Variants in COPA observed in about 807,000 individuals in gnomAD.
COPA encodes the protein coatomer subunit alpha.
Under a neutral mutation model 158.7 loss-of-function variants are expected in COPA, and 10 were observed. The ratio of observed to expected loss-of-function variants is 0.06; its 90% CI spans 0.04 to 0.11. The LOEUF is 0.11. Among genes scored for constraint, COPA ranks in the 10% least tolerant of loss-of-function variants. The pLI, the probability that COPA is intolerant of heterozygous loss-of-function variation, is 1.00. For synonymous variants in COPA, 462 were observed against 542.8 expected, an observed-to-expected ratio of 0.85 and a Z score of 2.07; for missense variants, 1,065 against 1,536.7, an observed-to-expected ratio of 0.69 and a Z score of 5.13.
chr1:160,296,007 A>C, intron 22 of COPA, 54 bp downstream of exon 22: 1 of 1,592,744 alleles, frequency 6.3e-7, no homozygotes, highest in Non-Finnish European at 8.6e-7. Flanking sequence ...AAATTGTTCT[A>C]AGATCCTAGA....
intron 3 of COPA, among the ~76,000 whole-genome samples, chr1:160,336,190 CA>C (rs934021713): frequency 6.6e-6 from 1 of 150,704 alleles, no homozygotes. Flanking sequence ...TACAAAAATA[CA>C]AAAAAAAATT....
chr1:160,302,207 GT>G (rs909263912), intron 17 of COPA, among the ~76,000 whole-genome samples: 15 of 151,982 alleles, frequency 9.9e-5, no homozygotes, highest in African/African-American at 3.6e-4. Context: ...TGATTTTATT[GT>G]ATTTAAATTG....
rs1014100360 is a variant in COPA, at chr1:160,297,739, G to C, written c.1984C>G (p.Leu662Val). The C allele has an allele frequency of 1.9e-6, 3 of 1,613,608 alleles. No individual in the cohort carries two copies. The highest frequency in any genetic ancestry group is 2.5e-6 in the Non-Finnish European group (3 of 1,179,832). Reference protein sequence around the residue: ...ALECGNIEIALEAAKALDDKN... With the variant: ...ALECGNIEIAVEAAKALDDKN... ...TCATCCAGTGCTTTGGCTGCTTCCA[G>C]AGCAATCTAAAGAATCCCCAGGGTC... The change falls in exon 20 of 33, where the codon CTG (leucine) becomes GTG (valine). Residue 662 changes from leucine to valine, a missense_variant. Physicochemically the swap from Leu to Val is conservative, Grantham distance 32. Coordinates refer to ENST00000241704, the MANE Select transcript of COPA (RefSeq NM_004371.4).
intron 17 of COPA, among the ~76,000 whole-genome samples, chr1:160,302,982 G>A (rs1476828833): frequency 4.6e-5 from 7 of 152,166 alleles, no homozygotes; most frequent in Admixed American, 4.6e-4. Flanking sequence ...AGACCAGCCT[G>A]GCCAATATGG....
chr1:160,297,508 TCCTTCCC>T, intron 20 of COPA, 41 bp downstream of exon 20: 1 of 1,612,498 alleles, frequency 6.2e-7, no homozygotes, highest in Non-Finnish European at 8.5e-7. Flanking sequence ...TTCACCTTCC[TCCTTCCC>T]CCAAGAACCC....
At position 160,309,077 on chromosome 1, in the gene COPA, G is replaced by C. The variant is rs781749823; in HGVS notation, c.1219+24C>G. 2.5e-6 allele frequency: 4 copies of C among 1,586,616 alleles called. No homozygotes were observed. The East Asian group carries it at 8.9e-5, about 35-fold the overall frequency. On this transcript the variant is annotated intron_variant, in intron 13 of 32. Coordinates refer to ENST00000241704, the MANE Select transcript of COPA (RefSeq NM_004371.4). Reference sequence around the variant, plus strand: ...GGGTGAGGAGAGCTGGAAGCAGAGTGGGGTAGACAAAAAGAACACTTACCA... The same window carrying C: ...GGGTGAGGAGAGCTGGAAGCAGAGTCGGGTAGACAAAAAGAACACTTACCA...
At chr1:160,320,792 T>TAAA (rs143294298) in intron 8 of COPA, among the ~76,000 whole-genome samples, 8 of 89,194 alleles carry the variant, frequency 9.0e-5, no homozygotes, top group Non-Finnish European at 1.6e-4. Context: ...TTCAAACTCT[T>TAAA]AAAAAAAAAA....
intron 3 of COPA, among the ~76,000 whole-genome samples, chr1:160,338,644 A>G (rs1174494060): frequency 6.6e-6 from 1 of 152,126 alleles, no homozygotes; most frequent in Non-Finnish European, 1.5e-5. Context: ...CTCATTTCAC[A>G]CTAAGGCCTT....
chr1:160,291,567 CA>C (rs1571147163), intron 30 of COPA, 71 bp from the exon 31 acceptor site: 2 of 1,538,688 alleles, frequency 1.3e-6, no homozygotes. Context: ...TAAGCTGCTA[CA>C]CATGCATAAA....
intron 8 of COPA, among the ~76,000 whole-genome samples, chr1:160,318,985 C>T (rs991082353): frequency 1.3e-5 from 2 of 150,652 alleles, no homozygotes; most frequent in Non-Finnish European, 3.0e-5. Context: ...CAAAAAAAAA[C>T]AAAACAAAAC....
At chr1:160,331,648 C>CAAA (rs59093132) in intron 6 of COPA, among the ~76,000 whole-genome samples, 3 of 95,850 alleles carry the variant, frequency 3.1e-5, no homozygotes, top group Admixed American at 1.2e-4. Flanking sequence ...GACTCCATCT[C>CAAA]AAAAAAAAAA....
chr1:160,332,588 T>C, intron 5 of COPA, 31 bp from the exon 6 acceptor site: 1 of 1,488,298 alleles, frequency 6.7e-7, no homozygotes, highest in Non-Finnish European at 9.2e-7. Context: ...AATACCAAAT[T>C]AGAGGTGGAA....
chr1:160,309,249 C>T, intron 12 of COPA, 73 bp from the exon 13 acceptor site: 1 of 1,104,804 alleles, frequency 9.1e-7, no homozygotes, highest in Non-Finnish European at 1.4e-6. Flanking sequence ...TTTACTCTGA[C>T]AGAGAAAACA....
At chr1:160,338,536 T>C (rs1329712915) in intron 3 of COPA, among the ~76,000 whole-genome samples, 1 of 152,150 alleles carries the variant, frequency 6.6e-6, no homozygotes, top group Non-Finnish European at 1.5e-5. Context: ...ACAGAGGAAA[T>C]TTTGATTTAT....
intron 21 of COPA, 91 bp downstream of exon 21, chr1:160,297,252 A>C: frequency 8.9e-7 from 1 of 1,119,310 alleles, no homozygotes; most frequent in Non-Finnish European, 1.3e-6. Flanking sequence ...AATAAAGAGA[A>C]ATCCCTCACC....
chr1:160,318,056 T>C (rs1444574519), intron 8 of COPA, among the ~76,000 whole-genome samples: 1 of 152,182 alleles, frequency 6.6e-6, no homozygotes, highest in African/African-American at 2.4e-5. Context: ...TGTTCTAGCA[T>C]GTGATTACTT....
At chr1:160,324,517 CA>C (rs1418492677) in intron 7 of COPA, among the ~76,000 whole-genome samples, 1 of 142,794 alleles carries the variant, frequency 7.0e-6, no homozygotes, top group Non-Finnish European at 1.5e-5. Context: ...AGGCTGGTTT[CA>C]AACTCCTGGC....
intron 9 of COPA, among the ~76,000 whole-genome samples, chr1:160,313,607 G>T (rs1026691973): frequency 6.6e-6 from 1 of 151,958 alleles, no homozygotes; most frequent in African/African-American, 2.4e-5. Flanking sequence ...GTAGAGACGG[G>T]GTTTCATTGT....
intron 3 of COPA, among the ~76,000 whole-genome samples, chr1:160,337,085 A>G (rs1304559778): frequency 2.0e-5 from 3 of 152,194 alleles, no homozygotes; most frequent in Non-Finnish European, 4.4e-5. Context: ...TAAAAATTAG[A>G]CCATACCATA....
Sources: allele counts gnomAD v4.1 joint callset (sites outside exome capture counted in the v4.1 genomes callset), GRCh38; gene constraint gnomAD v4.1.1; transcripts MANE v1.5; gene names NCBI Gene and HGNC (gene_info 2026-07-23, HGNC 2026-07-21).